Variants in CRISP2 observed in about 807,000 individuals in gnomAD.
The protein encoded by CRISP2 is cysteine rich secretory protein 2, also known as cysteine-rich secretory protein 2.
Under a neutral mutation model 31.7 loss-of-function variants are expected in CRISP2, and 29 were observed. The ratio of observed to expected loss-of-function variants is 0.92; its 90% CI spans 0.68 to 1.25. The LOEUF (loss-of-function observed/expected upper bound fraction) is 1.25. Among genes scored for constraint, CRISP2 ranks in the 50% most tolerant of loss-of-function variants. The probability of loss-of-function intolerance (pLI) is 0.00; values close to 1 mark genes in which losing one functional copy is unlikely to be tolerated. For synonymous variants in CRISP2, 111 were observed against 101.4 expected, an observed-to-expected ratio of 1.09 and a Z score of -0.57; for missense variants, 318 against 286.5, an observed-to-expected ratio of 1.11 and a Z score of -0.79.
chr6:49,704,719 T>C (rs1766713691), intron 4 of CRISP2, among the ~76,000 whole-genome samples: 1 of 152,288 alleles, frequency 6.6e-6, no homozygotes, highest in South Asian at 2.1e-4. Context: ...ATCTCAGCCA[T>C]AGATACTGGC....
the CRISP2 span, among the ~76,000 whole-genome samples, chr6:49,685,075 TG>T: frequency 6.6e-6 from 1 of 152,220 alleles, no homozygotes; most frequent in Non-Finnish European, 1.5e-5. Context: ...GTTTCTGTTT[TG>T]GGCTCCCCGG....
the CRISP2 span, among the ~76,000 whole-genome samples, chr6:49,683,745 C>G: frequency 8.6e-6 from 1 of 116,628 alleles, no homozygotes; most frequent in South Asian, 3.1e-4. Context: ...GACTAAGTCA[C>G]TATGTAATTT....
intron 2 of CRISP2, 89 bp from the exon 3 acceptor site, chr6:49,711,410 T>C (rs1259607251): frequency 6.6e-6 from 1 of 152,190 alleles, no homozygotes; most frequent in Non-Finnish European, 1.5e-5. Flanking sequence ...GTTAAATAAA[T>C]CTAAGTCAAC....
chr6:49,710,642 T>C (rs1049763711), intron 3 of CRISP2, among the ~76,000 whole-genome samples: 3 of 152,212 alleles, frequency 2.0e-5, no homozygotes, highest in African/African-American at 7.2e-5. Context: ...AAGGTAGTTC[T>C]AGTATAATTG....
At chr6:49,694,639 T>C (rs759513854) in intron 9 of CRISP2, among the ~76,000 whole-genome samples, 1 of 152,112 alleles carries the variant, frequency 6.6e-6, no homozygotes, top group Non-Finnish European at 1.5e-5. Context: ...GGCAATCCCA[T>C]GGACACAGCA....
intron 9 of CRISP2, among the ~76,000 whole-genome samples, chr6:49,693,830 A>G (rs1764298813): frequency 6.6e-6 from 1 of 152,032 alleles, no homozygotes. Context: ...AAATTTCTAA[A>G]TTGTTTCTCT....
intron 9 of CRISP2, among the ~76,000 whole-genome samples, chr6:49,693,322 C>T (rs1764214410): frequency 6.6e-6 from 1 of 152,122 alleles, no homozygotes; most frequent in African/African-American, 2.4e-5. Flanking sequence ...ATTTTGGTTT[C>T]TTAATCTTGT....
intron 9 of CRISP2, among the ~76,000 whole-genome samples, chr6:49,693,650 C>G (rs1258352968): frequency 2.0e-5 from 3 of 152,140 alleles, no homozygotes; most frequent in Admixed American, 2.0e-4. Flanking sequence ...AAAGTTCATT[C>G]TTTTTCCTTC....
intron 9 of CRISP2, among the ~76,000 whole-genome samples, chr6:49,694,740 C>CTT (rs61258519): frequency 0.013 from 1,818 of 141,852 alleles, 28 homozygotes; most frequent in African/African-American, 0.039. Context: ...CTATTTTTTT[C>CTT]TTTTTTTTTT....
intron 6 of CRISP2, among the ~76,000 whole-genome samples, chr6:49,698,841 CTCTTATAT>C (rs1351631995): frequency 2.0e-5 from 3 of 152,092 alleles, no homozygotes; most frequent in African/African-American, 7.2e-5. Flanking sequence ...CAGTGACCAA[CTCTTATAT>C]TCTGTTTTCT....
chr6:49,676,791 T>C, the CRISP2 span, among the ~76,000 whole-genome samples: 1 of 152,096 alleles, frequency 6.6e-6, no homozygotes, highest in Non-Finnish European at 1.5e-5. Context: ...TTTGGATTGT[T>C]GATTGGTCAG....
chr6:49,695,741 C>T (rs1392446644), intron 9 of CRISP2, 95 bp downstream of exon 9: 3 of 1,028,896 alleles, frequency 2.9e-6, no homozygotes, highest in Admixed American at 3.0e-5. Flanking sequence ...TACATTATTT[C>T]AATTCATTAC....
At chr6:49,712,947 A>G (rs1251744286) in intron 1 of CRISP2, among the ~76,000 whole-genome samples, 4 of 152,144 alleles carry the variant, frequency 2.6e-5, no homozygotes. Context: ...GATCATTTCC[A>G]TAAGCAGTGT....
At chr6:49,682,980 G>A in the CRISP2 span, among the ~76,000 whole-genome samples, 7 of 151,674 alleles carry the variant, frequency 4.6e-5, no homozygotes, top group Non-Finnish European at 1.0e-4. Flanking sequence ...CCAACATGGC[G>A]AAACCCCATC....
At chr6:49,699,697 A>G in intron 6 of CRISP2, 107 bp downstream of exon 6, 1 of 764,942 alleles carries the variant, frequency 1.3e-6, no homozygotes, top group Non-Finnish European at 2.1e-6. Flanking sequence ...AGACAGCAGT[A>G]TAAGTAACAT....
At chr6:49,688,582 T>A (rs1213873003), downstream of CRISP2, among the ~76,000 whole-genome samples, 1 of 152,108 alleles carries the variant, frequency 6.6e-6, no homozygotes, top group Non-Finnish European at 1.5e-5. Context: ...CGAAAACAGA[T>A]CTTACTCTGT....
At chr6:49,681,776 T>G in the CRISP2 span, among the ~76,000 whole-genome samples, 1,528 of 152,178 alleles carry the variant, frequency 0.01, 34 homozygotes, top group African/African-American at 0.035. Context: ...AATCCTCCTA[T>G]CTCAGCCTCC....
chr6:49,688,587 C>T (rs1328080401), downstream of CRISP2, among the ~76,000 whole-genome samples: 2 of 152,080 alleles, frequency 1.3e-5, no homozygotes, highest in Non-Finnish European at 2.9e-5. Flanking sequence ...ACAGATCTTA[C>T]TCTGTTAATG....
upstream of CRISP2, among the ~76,000 whole-genome samples, chr6:49,714,208 T>C (rs1768458371): frequency 6.6e-6 from 1 of 152,240 alleles, no homozygotes; most frequent in Non-Finnish European, 1.5e-5. Context: ...CATTTTCTTC[T>C]ATTCACAGTT....
Sources: allele counts gnomAD v4.1 joint callset (sites outside exome capture counted in the v4.1 genomes callset), GRCh38; gene constraint gnomAD v4.1.1; transcripts MANE v1.5; gene names NCBI Gene and HGNC (gene_info 2026-07-23, HGNC 2026-07-21).